Variants in KDM7A observed in about 807,000 individuals in gnomAD.
The protein encoded by KDM7A is lysine demethylase 7A, also known as lysine-specific demethylase 7A.
Under a neutral mutation model 114.8 loss-of-function variants are expected in KDM7A, and 28 were observed. The observed-to-expected ratio is 0.24, with a 90% CI of 0.18 to 0.33. The LOEUF (loss-of-function observed/expected upper bound fraction) is 0.33, where lower values mean the gene tolerates loss of function less well. Among genes scored for constraint, KDM7A ranks in the 10% least tolerant of loss-of-function variants. The pLI is 1.00. For missense variants in KDM7A, 942 were observed against 1,142.5 expected, an observed-to-expected ratio of 0.82 and a Z score of 2.53; for synonymous variants, 423 against 397.8, an observed-to-expected ratio of 1.06 and a Z score of -0.75.
chr7:140,135,350 G>T (rs1052129805), intron 2 of KDM7A, among the ~76,000 whole-genome samples: 3 of 152,014 alleles, frequency 2.0e-5, no homozygotes, highest in Middle Eastern at 3.4e-3. Flanking sequence ...CTACAGGGGT[G>T]TGCCACCACA....
chr7:140,126,028 T>C lies in KDM7A; in HGVS notation c.888+609A>G, dbSNP rs149160443. On this transcript the variant is annotated intron_variant, in intron 6 of 19. Transcript: ENST00000397560. Reference sequence around the variant, plus strand: ...CAAGTGATCCTCCTGCCTGAGCCTCTTGAGTAGCTGTGACTACAGGAATGA... The same window carrying C: ...CAAGTGATCCTCCTGCCTGAGCCTCCTGAGTAGCTGTGACTACAGGAATGA... Among the ~76,000 whole-genome samples, 390 of 152,312 alleles carry C rather than the reference T, an allele frequency of 2.6e-3. 1 individual carries two copies. Among genetic ancestry groups the C allele is most frequent in the Admixed American group, 7.8e-3 (119 of 15,294 alleles).
chr7:140,133,491 A>G (rs745747892), intron 3 of KDM7A, 48 bp downstream of exon 3: 1 of 1,080,902 alleles, frequency 9.3e-7, no homozygotes, highest in South Asian at 1.3e-5. Flanking sequence ...CTATGAGACG[A>G]CATTCTTACA....
chr7:140,119,230 T>G lies in KDM7A; in HGVS notation c.1140-11A>C, dbSNP rs1478149118. The G allele has an allele frequency of 7.0e-7, 1 of 1,435,870 alleles. No homozygotes were observed. The allele number at this position is 1,435,870 out of a possible 1,614,324, so 88.9% of individuals were successfully genotyped here. ...TCCATCTCATAACACCTAAATGAGTTTGAAGAAATTTTTAATATTAATATT... is the reference window on the plus strand; with the variant it reads ...TCCATCTCATAACACCTAAATGAGTGTGAAGAAATTTTTAATATTAATATT... On this transcript the variant is annotated splice_polypyrimidine_tract_variant and intron_variant, in intron 8 of 19. Coordinates refer to ENST00000397560, the MANE Select transcript of KDM7A (RefSeq NM_030647.2).
intron 2 of KDM7A, among the ~76,000 whole-genome samples, chr7:140,135,950 T>C (rs1032674355): frequency 1.7e-4 from 25 of 151,512 alleles, no homozygotes; most frequent in Non-Finnish European, 2.9e-4. Flanking sequence ...AAGTATGATA[T>C]TGCATTTTTA....
chr7:140,123,922 T>C (rs1818656073), intron 7 of KDM7A, among the ~76,000 whole-genome samples: 1 of 151,768 alleles, frequency 6.6e-6, no homozygotes, highest in Non-Finnish European at 1.5e-5. Context: ...TACAAAAAAT[T>C]AGCCAGGCAT....
intron 12 of KDM7A, 99 bp downstream of exon 12, chr7:140,101,852 T>G: frequency 1.3e-6 from 1 of 785,064 alleles, no homozygotes; most frequent in South Asian, 1.6e-5. Context: ...CAGCCAAGAT[T>G]AGATATCAAC....
At chr7:140,119,963 T>C (rs1392795906) in intron 8 of KDM7A, among the ~76,000 whole-genome samples, 1 of 152,220 alleles carries the variant, frequency 6.6e-6, no homozygotes, top group African/African-American at 2.4e-5. Context: ...TCAACACTCA[T>C]TAGACTACTA....
At position 140,087,829 on chromosome 7, in the gene KDM7A, T is replaced by C. The variant is rs1265961744; in HGVS notation, c.*3265A>G. ...TCACTTCTACAGTGGCATATCTCAG[T>C]TGAAACTAAAAAAGTCAGCATGTTT... On this transcript the variant is annotated 3_prime_UTR_variant, in exon 20 of 20. Coordinates refer to ENST00000397560, the MANE Select transcript of KDM7A (RefSeq NM_030647.2). 1 of 152,232 alleles carries C rather than the reference T, an allele frequency of 6.6e-6. No individual in the cohort carries two copies. The highest frequency in any genetic ancestry group is 1.5e-5 in the Non-Finnish European group (1 of 68,036). 9.4% of individuals were successfully genotyped at this position (152,232 alleles called of 1,614,324 possible).
rs1562945817 is a variant in KDM7A, at chr7:140,100,663, T to TATATATATATATATAC, written c.1639-641_1639-640insGTATATATATATATAT. On this transcript the variant is annotated intron_variant, in intron 12 of 19. Transcript: ENST00000397560. Reference sequence around the variant, plus strand: ...CAATTTAAAATATTTTAAAAAGTTATATATATATATATATATACATATATA... The same window carrying TATATATATATATATAC: ...CAATTTAAAATATTTTAAAAAGTTATATATATATATATATACATATATATATATATATACATATATA... Among the ~76,000 whole-genome samples the TATATATATATATATAC allele has an allele frequency of 3.7e-3, 141 of 38,278 alleles. 4 individuals are homozygous for TATATATATATATATAC. Among genetic ancestry groups the TATATATATATATATAC allele is most frequent in the Non-Finnish European group, 6.2e-3 (107 of 17,394 alleles). The allele number at this position is 38,278 out of a possible 152,430, so 25.1% of individuals were successfully genotyped here.
chr7:140,103,138 C>T lies in KDM7A; in HGVS notation c.1429-978G>A, dbSNP rs145326997. Among the ~76,000 whole-genome samples the T allele has an allele frequency of 6.8e-4, 104 of 152,120 alleles. 2 individuals are homozygous for T. In the East Asian group the frequency reaches 0.016, roughly 24 times the overall value. On this transcript the variant is annotated intron_variant, in intron 11 of 19. Transcript: ENST00000397560. ...ACAATAATTTCCCATTCTCCCTTCC[C>T]GCCAACCCCTAGCAACTACCATTCT...
At chr7:140,164,579 C>T in intron 1 of KDM7A, among the ~76,000 whole-genome samples, 1 of 152,132 alleles carries the variant, frequency 6.6e-6, no homozygotes, top group East Asian at 1.9e-4. Context: ...TTATTTAGAT[C>T]TTGATTCAAA....
In KDM7A at chr7:140,091,191, A is replaced by G. The variant is rs762888006; in HGVS notation, c.2732-3T>C. 6.3e-7 allele frequency: 1 copy of G among 1,596,478 alleles called. No homozygotes were observed. Among genetic ancestry groups the G allele is most frequent in the South Asian group, 1.1e-5 (1 of 90,748 alleles). ...CATTCCTTTTTTTGGACGTTTACCT[A>G]TAAAACACCAAAAGGGAGTGTAAGT... On this transcript the variant is annotated splice_region_variant and splice_polypyrimidine_tract_variant and intron_variant, in intron 19 of 19. Coordinates refer to ENST00000397560, the MANE Select transcript of KDM7A (RefSeq NM_030647.2).
intron 1 of KDM7A, among the ~76,000 whole-genome samples, chr7:140,146,836 A>G (rs1209486848): frequency 6.6e-6 from 1 of 152,206 alleles, no homozygotes; most frequent in Non-Finnish European, 1.5e-5. Context: ...ACTGAATTGA[A>G]TTAATGACTA....
chr7:140,147,007 C>T (rs1794346355), intron 1 of KDM7A, among the ~76,000 whole-genome samples: 1 of 152,124 alleles, frequency 6.6e-6, no homozygotes, highest in South Asian at 2.1e-4. Context: ...TTCAGATACT[C>T]TCCCCATTCT....
chr7:140,130,438 T>G (rs1472027217), intron 3 of KDM7A, among the ~76,000 whole-genome samples: 1 of 152,094 alleles, frequency 6.6e-6, no homozygotes, highest in Non-Finnish European at 1.5e-5. Context: ...CTGACCAACA[T>G]GGTGAAACCT....
At chr7:140,102,688 A>G (rs966061078) in intron 11 of KDM7A, among the ~76,000 whole-genome samples, 6 of 152,136 alleles carry the variant, frequency 3.9e-5, no homozygotes, top group African/African-American at 1.4e-4. Context: ...TTGATTTTCA[A>G]TATCTTATTA....
intron 1 of KDM7A, among the ~76,000 whole-genome samples, chr7:140,166,182 T>G (rs1320099118): frequency 1.3e-5 from 2 of 152,142 alleles, no homozygotes; most frequent in African/African-American, 4.8e-5. Context: ...CTCCCTCAGA[T>G]AAGCGGGGAC....
At chr7:140,105,769 G>A (rs955845016) in intron 11 of KDM7A, among the ~76,000 whole-genome samples, 4 of 152,186 alleles carry the variant, frequency 2.6e-5, no homozygotes, top group African/African-American at 9.7e-5. Flanking sequence ...TTGCGCCTCT[G>A]CCAGGCTTTG....
chr7:140,175,838 C>T (rs1794698811), intron 1 of KDM7A, among the ~76,000 whole-genome samples: 2 of 152,082 alleles, frequency 1.3e-5, no homozygotes, highest in Admixed American at 6.5e-5. Context: ...CGGGCACAGC[C>T]GCAGGCGGTC....
Sources: allele counts gnomAD v4.1 joint callset (sites outside exome capture counted in the v4.1 genomes callset), GRCh38; gene constraint gnomAD v4.1.1; transcripts MANE v1.5; gene names NCBI Gene and HGNC (gene_info 2026-07-23, HGNC 2026-07-21).